UBXN4: variants seen among roughly 807,000 people sequenced by gnomAD.
UBXN4 encodes UBX domain protein 4.
Under a neutral mutation model 66.2 loss-of-function variants are expected in UBXN4, and 35 were observed. The ratio of observed to expected loss-of-function variants is 0.53; its 90% CI spans 0.40 to 0.70. UBXN4 has a LOEUF of 0.70. UBXN4 is among the 30% of genes least tolerant of loss of function. UBXN4 has a pLI of 0.00. For missense variants in UBXN4, 533 were observed against 599.8 expected, an observed-to-expected ratio of 0.89 and a Z score of 1.16; for synonymous variants, 203 against 204.5, an observed-to-expected ratio of 0.99 and a Z score of 0.06.
chr2:135,763,562 C>T (rs988121283), intron 6 of UBXN4, among the ~76,000 whole-genome samples: 13 of 152,168 alleles, frequency 8.5e-5, no homozygotes, highest in Non-Finnish European at 1.5e-4. Context: ...TGGTGGCTCA[C>T]GCCTGTAATC....
At chr2:135,773,887 A>G (rs1016411607) in intron 9 of UBXN4, among the ~76,000 whole-genome samples, 1 of 152,230 alleles carries the variant, frequency 6.6e-6, no homozygotes, top group African/African-American at 2.4e-5. Flanking sequence ...TAAGACCTAA[A>G]TACCTGGAAA....
intron 12 of UBXN4, among the ~76,000 whole-genome samples, chr2:135,780,674 A>C (rs1484226818): frequency 6.6e-6 from 1 of 152,222 alleles, no homozygotes; most frequent in East Asian, 1.9e-4. Context: ...CTATCAAGGC[A>C]GATTTTTTTT....
chr2:135,753,453 T>C, intron 2 of UBXN4, 86 bp from the exon 3 acceptor site: 1 of 1,196,214 alleles, frequency 8.4e-7, no homozygotes, highest in Non-Finnish European at 1.1e-6. Flanking sequence ...ATACTTGTGA[T>C]TGGTACAGTA....
At chr2:135,774,440 T>A (rs1346543946) in intron 9 of UBXN4, among the ~76,000 whole-genome samples, 3 of 152,042 alleles carry the variant, frequency 2.0e-5, no homozygotes, top group Non-Finnish European at 2.9e-5. Context: ...GATCTAGGAG[T>A]AGCCAATGGA....
chr2:135,754,425 T>G, intron 4 of UBXN4, 148 bp downstream of exon 4: 2 of 609,654 alleles, frequency 3.3e-6, no homozygotes, highest in Non-Finnish European at 5.8e-6. Flanking sequence ...CAGGTTCAAG[T>G]GATTCTCCTG....
intron 5 of UBXN4, among the ~76,000 whole-genome samples, chr2:135,757,007 A>G (rs1410300792): frequency 1.3e-5 from 2 of 152,146 alleles, no homozygotes; most frequent in African/African-American, 4.8e-5. Flanking sequence ...GTTTTTAGCA[A>G]TTTGACTGTG....
chr2:135,742,912 T>C (rs1021227940), intron 1 of UBXN4, among the ~76,000 whole-genome samples: 2 of 152,202 alleles, frequency 1.3e-5, no homozygotes, highest in African/African-American at 2.4e-5. Flanking sequence ...TTGAGAACGT[T>C]TATTAACTCA....
intron 6 of UBXN4, among the ~76,000 whole-genome samples, chr2:135,768,893 G>A (rs1316679599): frequency 6.6e-6 from 1 of 151,268 alleles, no homozygotes; most frequent in South Asian, 2.1e-4. Flanking sequence ...GTAAAGATGG[G>A]GTCTCAAGTT....
intron 6 of UBXN4, among the ~76,000 whole-genome samples, chr2:135,769,124 CTAAAG>C (rs1160445952): frequency 6.6e-6 from 1 of 152,120 alleles, no homozygotes; most frequent in African/African-American, 2.4e-5. Context: ...ACCTTAGCCC[CTAAAG>C]TAGCTGGAAC....
chr2:135,760,966 A>G (rs2077311918), intron 5 of UBXN4, among the ~76,000 whole-genome samples: 1 of 152,222 alleles, frequency 6.6e-6, no homozygotes, highest in African/African-American at 2.4e-5. Flanking sequence ...CTACTACTGT[A>G]GTAACGAAAA....
intron 1 of UBXN4, among the ~76,000 whole-genome samples, chr2:135,747,448 C>T (rs2077215598): frequency 6.6e-6 from 1 of 151,656 alleles, no homozygotes; most frequent in Non-Finnish European, 1.5e-5. Flanking sequence ...AATTCTATCA[C>T]CATAGATTAG....
rs1458953467 is a variant in UBXN4, at chr2:135,784,127, C to A, written c.*1240C>A. ...GGTAGGAGTGAAAACCAGTATAATT[C>A]TTCTGAAAAACATTTATCAGAAACT... On this transcript the variant is annotated 3_prime_UTR_variant, in exon 13 of 13. Coordinates refer to ENST00000272638, the MANE Select transcript of UBXN4 (RefSeq NM_014607.4). The A allele has an allele frequency of 1.3e-5, 2 of 152,218 alleles. No individual in the cohort carries two copies. Among genetic ancestry groups the A allele is most frequent in the African/African-American group, 2.4e-5 (1 of 41,454 alleles). 9.4% of individuals were successfully genotyped at this position (152,218 alleles called of 1,614,324 possible).
At chr2:135,771,788 C>A (rs967509265) in intron 8 of UBXN4, among the ~76,000 whole-genome samples, 6 of 152,104 alleles carry the variant, frequency 3.9e-5, no homozygotes, top group Non-Finnish European at 7.4e-5. Flanking sequence ...GTCTGGAACT[C>A]CTGACCTCAG....
chr2:135,764,004 G>A (rs1027139645), intron 6 of UBXN4, among the ~76,000 whole-genome samples: 1 of 152,014 alleles, frequency 6.6e-6, no homozygotes, highest in African/African-American at 2.4e-5. Flanking sequence ...CGCATCTGTA[G>A]TCCCAGCTAC....
intron 2 of UBXN4, among the ~76,000 whole-genome samples, chr2:135,749,364 T>C (rs1447966147): frequency 6.6e-6 from 1 of 152,236 alleles, no homozygotes; most frequent in Non-Finnish European, 1.5e-5. Context: ...TCAAAGTACC[T>C]GATGTCCACA....
intron 11 of UBXN4, among the ~76,000 whole-genome samples, chr2:135,779,942 A>G (rs2077439800): frequency 6.8e-6 from 1 of 147,330 alleles, no homozygotes; most frequent in South Asian, 2.1e-4. Context: ...CTATACAATT[A>G]TACAGTTATT....
chr2:135,780,075 TA>T, intron 11 of UBXN4, 107 bp from the exon 12 acceptor site: 2 of 1,041,188 alleles, frequency 1.9e-6, no homozygotes, highest in Non-Finnish European at 2.8e-6. Flanking sequence ...TGAAGTAAAC[TA>T]AAATTGGTAG....
intron 1 of UBXN4, chr2:135,748,000 C>G: frequency 3.0e-6 from 1 of 338,276 alleles, no homozygotes; most frequent in Non-Finnish European, 5.5e-6. Flanking sequence ...TATTGTGGTA[C>G]TTTGCGCATC....
At chr2:135,756,119 A>AAGATAATTATGAAATAGAGCTTGT (rs1264757145) in intron 5 of UBXN4, among the ~76,000 whole-genome samples, 1 of 152,108 alleles carries the variant, frequency 6.6e-6, no homozygotes, top group African/African-American at 2.4e-5. Context: ...TTAGAGGTAA[A>AAGATAATTATGAAATAGAGCTTGT]AGATAATTAT....
Sources: allele counts gnomAD v4.1 joint callset (sites outside exome capture counted in the v4.1 genomes callset), GRCh38; gene constraint gnomAD v4.1.1; transcripts MANE v1.5; gene names NCBI Gene and HGNC (gene_info 2026-07-23, HGNC 2026-07-21).